Variants in ADARB2 observed in about 807,000 individuals in gnomAD.
The protein encoded by ADARB2 is inactive double-stranded RNA-specific editase B2.
Under a neutral mutation model 62.2 loss-of-function variants are expected in ADARB2, and 25 were observed. The observed-to-expected ratio is 0.40, with a 90% CI of 0.29 to 0.56. The LOEUF is 0.56. ADARB2 is among the 20% of genes least tolerant of loss of function. ADARB2 has a pLI of 0.43. For synonymous variants in ADARB2, 572 were observed against 500.8 expected (o/e 1.14, Z -1.90); for missense variants, 1,071 against 1,077.4 (o/e 0.99, Z 0.08).
chr10:1,691,624 C>T (rs544565403), intron 1 of ADARB2, among the ~76,000 whole-genome samples: 183 of 152,268 alleles, frequency 1.2e-3, no homozygotes, highest in Non-Finnish European at 2.2e-3. Flanking sequence ...ATGTACTGTT[C>T]ACACCAACTT....
At chr10:1,383,906 T>C in intron 1 of ADARB2, among the ~76,000 whole-genome samples, 1 of 152,232 alleles carries the variant, frequency 6.6e-6, no homozygotes, top group Non-Finnish European at 1.5e-5. Flanking sequence ...TGCTGAATTT[T>C]CTGGATTTTT....
intron 1 of ADARB2, among the ~76,000 whole-genome samples, chr10:1,569,469 G>A (rs1382491966): frequency 6.6e-6 from 1 of 152,238 alleles, no homozygotes; most frequent in Non-Finnish European, 1.5e-5. Flanking sequence ...TTCCCAGAGG[G>A]AGCGTGGCTG....
chr10:1,534,886 C>G (rs1433247472), intron 1 of ADARB2: 2 of 167,086 alleles, frequency 1.2e-5, no homozygotes, highest in Non-Finnish European at 2.9e-5. Context: ...CACGCCTCAG[C>G]AGAACAACTC....
chr10:1,530,525 C>A (rs1832218194), intron 1 of ADARB2, among the ~76,000 whole-genome samples: 1 of 152,240 alleles, frequency 6.6e-6, no homozygotes, highest in Non-Finnish European at 1.5e-5. Flanking sequence ...GTGGGAGCCA[C>A]AGGACGAGAC....
At chr10:1,509,477 C>T (rs1831894229) in intron 1 of ADARB2, among the ~76,000 whole-genome samples, 1 of 152,182 alleles carries the variant, frequency 6.6e-6, no homozygotes, top group South Asian at 2.1e-4. Flanking sequence ...AAATGATATT[C>T]ACCCGGGGAC....
intron 4 of ADARB2, among the ~76,000 whole-genome samples, chr10:1,265,428 T>C (rs999770541): frequency 1.3e-5 from 2 of 152,212 alleles, no homozygotes; most frequent in Non-Finnish European, 2.9e-5. Flanking sequence ...GGGGAGAACA[T>C]TTGCTTCTCT....
chr10:1,631,630 G>C (rs192270808), intron 1 of ADARB2, among the ~76,000 whole-genome samples: 1 of 152,190 alleles, frequency 6.6e-6, no homozygotes, highest in Non-Finnish European at 1.5e-5. Flanking sequence ...CAGATGAATG[G>C]GTCTGGTGAT....
At chr10:1,414,277 C>T (rs1832783497) in intron 1 of ADARB2, among the ~76,000 whole-genome samples, 1 of 152,212 alleles carries the variant, frequency 6.6e-6, no homozygotes, top group Non-Finnish European at 1.5e-5. Context: ...GCATGTCTGA[C>T]ATAATGTAAA....
intron 1 of ADARB2, among the ~76,000 whole-genome samples, chr10:1,674,414 G>A (rs1017541400): frequency 6.6e-6 from 1 of 152,160 alleles, no homozygotes; most frequent in Non-Finnish European, 1.5e-5. Context: ...GCTTTGGGTG[G>A]CACTGAGATT....
chr10:1,569,440 G>A (rs1832907151), intron 1 of ADARB2, among the ~76,000 whole-genome samples: 1 of 152,200 alleles, frequency 6.6e-6, no homozygotes, highest in African/African-American at 2.4e-5. Context: ...ATGGGCAGTT[G>A]GGGAGCAATC....
intron 1 of ADARB2, among the ~76,000 whole-genome samples, chr10:1,656,240 C>T (rs1834170742): frequency 6.6e-6 from 1 of 152,180 alleles, no homozygotes; most frequent in East Asian, 1.9e-4. Flanking sequence ...TTGAAATAAT[C>T]CCCCTTGTGT....
At chr10:1,479,262 C>T (rs984458475) in intron 1 of ADARB2, among the ~76,000 whole-genome samples, 1 of 152,178 alleles carries the variant, frequency 6.6e-6, no homozygotes, top group African/African-American at 2.4e-5. Context: ...AGACCAGAAC[C>T]CAGGCAAGGC....
intron 7 of ADARB2, among the ~76,000 whole-genome samples, chr10:1,202,549 C>T (rs184232952): frequency 6.6e-6 from 1 of 152,118 alleles, no homozygotes; most frequent in African/African-American, 2.4e-5. Context: ...AGAGGACAGA[C>T]CAAAGGCTGG....
chr10:1,362,253 C>T (rs1832265056), intron 3 of ADARB2, among the ~76,000 whole-genome samples: 2 of 152,268 alleles, frequency 1.3e-5, no homozygotes, highest in African/African-American at 2.4e-5. Context: ...ACCCCAGAAA[C>T]TTCAGTAACG....
intron 3 of ADARB2, among the ~76,000 whole-genome samples, chr10:1,339,126 G>A (rs971008179): frequency 6.6e-6 from 1 of 152,176 alleles, no homozygotes; most frequent in Non-Finnish European, 1.5e-5. Context: ...CGGGTTGCTC[G>A]GCCACGCCCT....
intron 1 of ADARB2, among the ~76,000 whole-genome samples, chr10:1,525,965 TTA>T (rs776600231): frequency 8.7e-5 from 13 of 149,444 alleles, no homozygotes; most frequent in Non-Finnish European, 2.0e-4. Flanking sequence ...GCGTGTGTGC[TTA>T]TGTGCGTGTG....
At chr10:1,481,772 G>A (rs1831475452) in intron 1 of ADARB2, among the ~76,000 whole-genome samples, 1 of 151,240 alleles carries the variant, frequency 6.6e-6, no homozygotes, top group Non-Finnish European at 1.5e-5. Context: ...CAGGAGAATG[G>A]CTTGAACCCA....
intron 1 of ADARB2, among the ~76,000 whole-genome samples, chr10:1,720,550 A>G (rs1211496320): frequency 6.6e-6 from 1 of 152,308 alleles, no homozygotes; most frequent in East Asian, 1.9e-4. Context: ...ATAAAAGTGG[A>G]AAAAAATAGG....
intron 4 of ADARB2, among the ~76,000 whole-genome samples, chr10:1,250,880 T>C (rs1004305867): frequency 3.3e-5 from 5 of 152,094 alleles, no homozygotes; most frequent in African/African-American, 9.7e-5. Flanking sequence ...ACTGTGGGGA[T>C]GGGGTGTGAA....
Sources: allele counts gnomAD v4.1 joint callset (sites outside exome capture counted in the v4.1 genomes callset), GRCh38; gene constraint gnomAD v4.1.1; transcripts MANE v1.5; gene names NCBI Gene and HGNC (gene_info 2026-07-23, HGNC 2026-07-21).